Variants in SIGLEC8 observed in about 807,000 individuals in gnomAD.
SIGLEC8 encodes sialic acid binding Ig like lectin 8.
Under a neutral mutation model 42.1 loss-of-function variants are expected in SIGLEC8, and 32 were observed. That is an observed-to-expected ratio of 0.76 (90% CI 0.57 to 1.02). SIGLEC8 has a LOEUF of 1.02. SIGLEC8 is among the 50% of genes least tolerant of loss of function. SIGLEC8 has a pLI of 0.00. For synonymous variants in SIGLEC8, 262 were observed against 260.3 expected (o/e 1.01, Z -0.06); for missense variants, 611 against 610.2 (o/e 1.00, Z -0.01).
chr19:51,452,276 G>T lies in SIGLEC8; in HGVS notation c.*103C>A. The stretch of plus-strand genomic sequence containing the variant: ...GCAGGGATGGGTCCCTGGTAGCCGG[G>T]GAAAGGGGAGACATTGGTCCAAGTT... On this transcript the variant is annotated 3_prime_UTR_variant, in exon 7 of 7. Transcript: ENST00000321424. 1.0e-6 allele frequency: 1 copy of T among 993,364 alleles called. No homozygotes were observed. Among genetic ancestry groups the T allele is most frequent in the Non-Finnish European group, 1.5e-6 (1 of 676,262 alleles). 61.5% of individuals were successfully genotyped at this position (993,364 alleles called of 1,614,324 possible).
chr19:51,452,672 G>C, intron 6 of SIGLEC8, 39 bp from the exon 7 acceptor site: 1 of 1,458,612 alleles, frequency 6.9e-7, no homozygotes, highest in African/African-American at 1.4e-5. Context: ...ACAGAGCAGT[G>C]GGGCCAGGAT....
chr19:51,453,095 G>GA (rs202029527), intron 6 of SIGLEC8, among the ~76,000 whole-genome samples: 1 of 148,926 alleles, frequency 6.7e-6, no homozygotes, highest in Non-Finnish European at 1.5e-5. Context: ...TTTGTTTTTT[G>GA]GTTTTTTTTT....
At chr19:51,456,634 G>A (rs1235934541) in intron 3 of SIGLEC8, among the ~76,000 whole-genome samples, 1 of 152,186 alleles carries the variant, frequency 6.6e-6, no homozygotes, top group Non-Finnish European at 1.5e-5. Flanking sequence ...GTCTCACTAC[G>A]ATGTCAAACC....
chr19:51,454,905 A>C lies in SIGLEC8; in HGVS notation c.1052-125T>G. Reference sequence around the variant, plus strand: ...TCTCCTTCCCAGACACAGAATACGAATGGGAGGGAGGAAAGGAGACTACTT... The same window carrying C: ...TCTCCTTCCCAGACACAGAATACGACTGGGAGGGAGGAAAGGAGACTACTT... On this transcript the variant is annotated intron_variant, in intron 4 of 6. Transcript: ENST00000321424. This position sits in a 1 kb window ranked among gnomAD's most constrained non-coding sequence, Gnocchi z 4.7. The C allele has an allele frequency of 1.5e-6, 1 of 680,004 alleles. No homozygotes were observed. Among genetic ancestry groups the C allele is most frequent in the Non-Finnish European group, 2.6e-6 (1 of 381,048 alleles). 42.1% of individuals were successfully genotyped at this position (680,004 alleles called of 1,614,324 possible).
In SIGLEC8 at chr19:51,452,351, G is replaced by T; in HGVS notation, c.*28C>A. The T allele has an allele frequency of 1.3e-6, 2 of 1,574,196 alleles. No individual in the cohort carries two copies. Among genetic ancestry groups the T allele is most frequent in the East Asian group, 2.3e-5 (1 of 43,932 alleles). On this transcript the variant is annotated 3_prime_UTR_variant, in exon 7 of 7. Transcript: ENST00000321424. ...CTGGTGACCTACTGCATAGCATGGG[G>T]CTCTAGAGGGTTCTTGTTCTATGAG...
In SIGLEC8 at chr19:51,456,896, G is replaced by A. The variant is rs189454129; in HGVS notation, c.781+288C>T. ...GAAAGTCTGGTCCCAAAATAAAAAC[G>A]AACAAAAACCAAAAAAATTGGGAGT... On this transcript the variant is annotated intron_variant, in intron 3 of 6. Transcript: ENST00000321424. Among the ~76,000 whole-genome samples the A allele has an allele frequency of 2.3e-3, 357 of 152,272 alleles. 5 individuals are homozygous for A. Among genetic ancestry groups the A allele is most frequent in the Admixed American group, 0.022 (340 of 15,294 alleles).
chr19:51,457,072 C>A, intron 3 of SIGLEC8, 112 bp downstream of exon 3: 1 of 989,886 alleles, frequency 1.0e-6, no homozygotes, highest in Non-Finnish European at 1.6e-6. Context: ...CCTGGGCTCA[C>A]GCACAGTGGC....
intron 4 of SIGLEC8, 35 bp downstream of exon 4, chr19:51,455,383 G>C (rs1245507897): frequency 3.1e-6 from 5 of 1,607,840 alleles, no homozygotes; most frequent in African/African-American, 1.3e-5. Context: ...GGTGGGGCAG[G>C]TGTGTTCTCC....
rs764110055 is a variant in SIGLEC8, at chr19:51,454,275, C to T, written c.1189G>A (p.Gly397Ser). The change falls in exon 6 of 7, where the codon GGC (glycine) becomes AGC (serine). Residue 397 changes from glycine (G) to serine (S), a missense_variant. Transcript: ENST00000321424. The surrounding 1 kb of genome is among the most constrained non-coding windows in gnomAD (Gnocchi z 4.7). ...CRKKSARPAAGVGDTGMEDAK... is the reference protein window; with the variant it reads ...CRKKSARPAASVGDTGMEDAK... ...TCTTCCATGCCTGTATCCCCCACGC[C>T]CGCTGCTGGCCTTGCCGATTTCTTC... is the stretch of plus-strand genomic sequence containing the variant. The T allele has an allele frequency of 3.1e-6, 5 of 1,614,018 alleles. No homozygotes were observed. The Admixed American group carries it at 8.3e-5, about 27-fold the overall frequency.
Position 51,455,703 on chromosome 19 carries a change from C to A in SIGLEC8, c.782-16G>T. The A allele has an allele frequency of 6.2e-7, 1 of 1,608,224 alleles. No individual in the cohort carries two copies. Among genetic ancestry groups the A allele is most frequent in the Non-Finnish European group, 8.5e-7 (1 of 1,177,480 alleles). ...GCTGTGGATGCTGCAGAGAAAGAGA[C>A]AGAGGGTCATCCCATTACTGGGTAT... On this transcript the variant is annotated splice_polypyrimidine_tract_variant and intron_variant, in intron 3 of 6. Coordinates refer to ENST00000321424, the MANE Select transcript of SIGLEC8 (RefSeq NM_014442.3).
At chr19:51,457,396 A>C in intron 2 of SIGLEC8, 65 bp downstream of exon 2, 2 of 1,588,412 alleles carry the variant, frequency 1.3e-6, no homozygotes, top group Non-Finnish European at 1.7e-6. Context: ...CTTGAACCCC[A>C]TCCCCTGCCC....
chr19:51,454,412 G>A lies in SIGLEC8; in HGVS notation c.1149-97C>T. ...TGTATTTCCTACTGGGGGCTTGAGG[G>A]GTGACCGAGGCGCAACGGCGGTGGT... is the stretch of plus-strand genomic sequence containing the variant. On this transcript the variant is annotated intron_variant, in intron 5 of 6. Coordinates refer to ENST00000321424, the MANE Select transcript of SIGLEC8 (RefSeq NM_014442.3). This position sits in a 1 kb window ranked among gnomAD's most constrained non-coding sequence, Gnocchi z 4.7. 8.1e-6 allele frequency: 13 copies of A among 1,604,370 alleles called. No individual in the cohort carries two copies. Among genetic ancestry groups the A allele is most frequent in the Non-Finnish European group, 1.1e-5 (13 of 1,176,204 alleles).
At chr19:51,457,269 G>A in intron 2 of SIGLEC8, 38 bp from the exon 3 acceptor site, 1 of 1,591,786 alleles carries the variant, frequency 6.3e-7, no homozygotes, top group South Asian at 1.1e-5. Flanking sequence ...ATTACTATAA[G>A]GACTGGGGAC....
chr19:51,455,754 T>C, intron 3 of SIGLEC8, 67 bp from the exon 4 acceptor site: 1 of 1,417,040 alleles, frequency 7.1e-7, no homozygotes, highest in Non-Finnish European at 9.8e-7. Context: ...TAAATCATGC[T>C]GCTATAAAGA....
Position 51,458,046 on chromosome 19 carries a change from G to A in SIGLEC8, c.342C>T (p.Ala114=). 1.2e-6 allele frequency: 2 copies of A among 1,614,102 alleles called. No homozygotes were observed. Among genetic ancestry groups the A allele is most frequent in the Non-Finnish European group, 1.7e-6 (2 of 1,180,008 alleles). The stretch of plus-strand genomic sequence containing the variant: ...AATATGACCCCTTATCCCTCTTCCT[G>A]GCGTCTCTGATGCTCAGGGAGCAGT... The part of the protein sequence containing the change: ...SNDCSLSIRD[A]RKRDKGSYFF... The change falls in exon 1 of 7, where the codon GCC becomes GCT. Residue 114 remains alanine (A), a synonymous_variant. Transcript: ENST00000321424.
chr19:51,453,740 G>T, intron 6 of SIGLEC8: 5 of 982,964 alleles, frequency 5.1e-6, no homozygotes, highest in Non-Finnish European at 6.0e-6. Context: ...TGTAAATTAT[G>T]ATACAACGGG....
At position 51,454,535 on chromosome 19, in the gene SIGLEC8, G is replaced by A. The variant is rs1199343295; in HGVS notation, c.1148+149C>T. On this transcript the variant is annotated intron_variant, in intron 5 of 6. Transcript: ENST00000321424. This position sits in a 1 kb window ranked among gnomAD's most constrained non-coding sequence, Gnocchi z 4.7. The stretch of plus-strand genomic sequence containing the variant: ...GATGTGGAGCCCCACAGACAAGGAC[G>A]CTCGTGAAATGCTCACCGTGCACCC... 1.4e-5 allele frequency: 14 copies of A among 1,001,668 alleles called. No homozygotes were observed. Among genetic ancestry groups the A allele is most frequent in the Admixed American group, 9.6e-5 (4 of 41,580 alleles). The allele number at this position is 1,001,668 out of a possible 1,614,324, so 62.0% of individuals were successfully genotyped here.
In SIGLEC8 at chr19:51,452,495, C is replaced by G; in HGVS notation, c.1384G>C (p.Gly462Arg). The G allele has an allele frequency of 6.2e-7, 1 of 1,610,636 alleles. No homozygotes were observed. The highest frequency in any genetic ancestry group is 1.1e-5 in the South Asian group (1 of 90,924). Reference protein sequence around the residue: ...FHKVKPQDPQGQEATDSEYSE... With the variant: ...FHKVKPQDPQRQEATDSEYSE... ...TATTCACTGTCAGTGGCCTCCTGTC[C>G]CTGCGGGTCCTGAGGCTTCACTTTA... The change falls in exon 7 of 7, where the codon GGA becomes CGA. Residue 462 changes from glycine to arginine, a missense_variant. By Grantham distance (125) the Gly-to-Arg change is moderately radical. Coordinates refer to ENST00000321424, the MANE Select transcript of SIGLEC8 (RefSeq NM_014442.3).
rs1989541429 is a variant in SIGLEC8 at position 51,458,065 on chromosome 19, G to A, written c.323C>T (p.Ser108Phe). 6.2e-7 allele frequency: 1 copy of A among 1,614,038 alleles called. No homozygotes were observed. The highest frequency in any genetic ancestry group is 1.3e-5 in the African/African-American group (1 of 74,902). Residue 108 changes from serine to phenylalanine, a missense_variant, in exon 1 of 7, where the codon TCC becomes TTC. Transcript: ENST00000321424. The part of the protein sequence containing the change: ...LLGDIWSNDC[S>F]LSIRDARKRD... ...CTTCCTGGCGTCTCTGATGCTCAGGGAGCAGTCGTTGCTCCAAATGTCCCC... is the reference window on the plus strand; with the variant it reads ...CTTCCTGGCGTCTCTGATGCTCAGGAAGCAGTCGTTGCTCCAAATGTCCCC...
Sources: allele counts gnomAD v4.1 joint callset (sites outside exome capture counted in the v4.1 genomes callset), GRCh38; gene constraint gnomAD v4.1.1; non-coding constraint Gnocchi (gnomAD v3.1); transcripts MANE v1.5; gene names NCBI Gene and HGNC (gene_info 2026-07-23, HGNC 2026-07-21).